The following CTNNA3 variants were observed in gnomAD, a reference collection of about 807,000 sequenced individuals.
The protein encoded by CTNNA3 is catenin alpha 3.
In CTNNA3, 76 loss-of-function variants were observed where a neutral mutation model predicts 95.7. That is an observed-to-expected ratio of 0.79 (90% CI 0.66 to 0.96). CTNNA3 has a LOEUF of 0.96. Ranked by LOEUF, CTNNA3 falls within the 40% of genes least tolerant of loss-of-function variation. The probability of loss-of-function intolerance (pLI) is 0.00; values close to 1 mark genes in which losing one functional copy is unlikely to be tolerated. For synonymous variants in CTNNA3, 431 were observed against 374.4 expected (o/e 1.15, Z -1.74); for missense variants, 1,191 against 1,089.8 (o/e 1.09, Z -1.31).
chr10:67,505,834 G>A (rs1196023809), intron 5 of CTNNA3, among the ~76,000 whole-genome samples: 1 of 152,164 alleles, frequency 6.6e-6, no homozygotes, highest in Non-Finnish European at 1.5e-5. Context: ...ATACTGAACT[G>A]TAGTGCTACC....
At chr10:67,243,549 A>G (rs1865798644) in intron 5 of CTNNA3, among the ~76,000 whole-genome samples, 1 of 152,184 alleles carries the variant, frequency 6.6e-6, no homozygotes, top group Non-Finnish European at 1.5e-5. Context: ...TTTTCTAATG[A>G]TGGTTAATCC....
At chr10:66,910,832 C>T (rs1391462722) in intron 7 of CTNNA3, among the ~76,000 whole-genome samples, 4 of 152,168 alleles carry the variant, frequency 2.6e-5, no homozygotes, top group Non-Finnish European at 5.9e-5. Flanking sequence ...AAATGACAAC[C>T]TTGTGCGTCA....
chr10:67,229,857 G>A (rs2132293784), intron 5 of CTNNA3, among the ~76,000 whole-genome samples: 1 of 152,294 alleles, frequency 6.6e-6, no homozygotes, highest in East Asian at 1.9e-4. Flanking sequence ...CCATGCTCAT[G>A]GATGGGTAGA....
At position 67,481,752 on chromosome 10, in the gene CTNNA3, C is replaced by A. The variant is rs563557401; in HGVS notation, c.579+40090G>T. Among the ~76,000 whole-genome samples, 571 of 152,176 alleles carry A rather than the reference C, an allele frequency of 3.8e-3. 8 individuals carry two copies. Among genetic ancestry groups the A allele is most frequent in the African/African-American group, 0.013 (529 of 41,534 alleles). On this transcript the variant is annotated intron_variant, in intron 5 of 17. Coordinates refer to ENST00000433211, the MANE Select transcript of CTNNA3 (RefSeq NM_013266.4). ...TGCTGTGCAGAAGCTCTTTAGTTTA[C>A]TTAGATCCCATTTGTCAATTTTGGC...
chr10:67,725,959 TAA>T (rs1841209538), intron 1 of CTNNA3, among the ~76,000 whole-genome samples: 1 of 133,506 alleles, frequency 7.5e-6, no homozygotes, highest in Non-Finnish European at 1.5e-5. Flanking sequence ...TATGTATATA[TAA>T]TATATATGTA....
At position 67,256,049 on chromosome 10, in the gene CTNNA3, A is replaced by AAC. The variant is rs137891644; in HGVS notation, c.580-36180_580-36179insGT. 5.3e-5 allele frequency among the ~76,000 whole-genome samples: 8 copies of AAC among 151,802 alleles called. No homozygotes were observed. The South Asian group carries it at 6.3e-4, about 12-fold the overall frequency. On this transcript the variant is annotated intron_variant, in intron 5 of 17. Transcript: ENST00000433211. ...CAATAAGAACAGCAGCAAAAAAAAAAGGATTTCTCTCCTTTAAAATTCTTA... is the reference window on the plus strand; with the variant it reads ...CAATAAGAACAGCAGCAAAAAAAAAAACGGATTTCTCTCCTTTAAAATTCTTA...
At chr10:66,942,050 G>C (rs543629599) in intron 7 of CTNNA3, among the ~76,000 whole-genome samples, 3 of 152,132 alleles carry the variant, frequency 2.0e-5, no homozygotes, top group Admixed American at 2.0e-4. Flanking sequence ...GCACGGCATG[G>C]TATCAGTTTC....
intron 12 of CTNNA3, among the ~76,000 whole-genome samples, chr10:66,327,932 T>C (rs2092276023): frequency 1.3e-5 from 2 of 152,058 alleles, no homozygotes; most frequent in Admixed American, 1.3e-4. Context: ...ATGAGAGAAA[T>C]ACCAGTTACT....
At chr10:67,004,501 CA>C (rs35597601) in intron 7 of CTNNA3, among the ~76,000 whole-genome samples, 79,631 of 152,016 alleles carry the variant, frequency 0.52, 21,579 homozygotes, top group Middle Eastern at 0.73. Context: ...CTTCTTCCCT[CA>C]AAAAATGCTG....
intron 5 of CTNNA3, among the ~76,000 whole-genome samples, chr10:67,245,597 C>G (rs966983123): frequency 6.6e-6 from 1 of 152,266 alleles, no homozygotes; most frequent in Non-Finnish European, 1.5e-5. Context: ...TAGTGGCTCA[C>G]GCCTGTAATC....
intron 5 of CTNNA3, among the ~76,000 whole-genome samples, chr10:67,313,717 A>T (rs1362846406): frequency 6.6e-6 from 1 of 152,210 alleles, no homozygotes; most frequent in Non-Finnish European, 1.5e-5. Flanking sequence ...CCAAGATAGT[A>T]GCAACAAATA....
At chr10:67,193,822 A>T (rs1863228410) in intron 6 of CTNNA3, among the ~76,000 whole-genome samples, 1 of 151,246 alleles carries the variant, frequency 6.6e-6, no homozygotes, top group Non-Finnish European at 1.5e-5. Context: ...TGTCTTTATG[A>T]CAGAACAATT....
intron 5 of CTNNA3, among the ~76,000 whole-genome samples, chr10:67,243,673 G>A (rs1315928991): frequency 6.6e-6 from 1 of 152,056 alleles, no homozygotes; most frequent in Non-Finnish European, 1.5e-5. Context: ...CAGATACATA[G>A]AATCCATGAG....
chr10:67,179,961 A>C (rs576981223), intron 7 of CTNNA3, among the ~76,000 whole-genome samples: 2 of 152,240 alleles, frequency 1.3e-5, no homozygotes, highest in South Asian at 4.1e-4. Flanking sequence ...ATTATTCACT[A>C]ACTTGATCCT....
intron 1 of CTNNA3, among the ~76,000 whole-genome samples, chr10:67,666,464 AAC>A (rs1174022028): frequency 1.3e-5 from 2 of 151,992 alleles, no homozygotes; most frequent in Non-Finnish European, 2.9e-5. Flanking sequence ...ACATTTTAGT[AAC>A]ATATTGGCTT....
At chr10:66,897,214 T>C (rs913121705) in intron 7 of CTNNA3, among the ~76,000 whole-genome samples, 1 of 152,114 alleles carries the variant, frequency 6.6e-6, no homozygotes, top group Admixed American at 6.5e-5. Context: ...TTTAAGCATA[T>C]ACAGTATGCT....
chr10:66,226,552 T>C (rs1314995270), intron 13 of CTNNA3, among the ~76,000 whole-genome samples: 2 of 151,392 alleles, frequency 1.3e-5, no homozygotes, highest in East Asian at 3.9e-4. Context: ...CGTGGTTCCA[T>C]ACAAATTTTA....
chr10:66,381,444 C>G (rs1157360178), intron 11 of CTNNA3, among the ~76,000 whole-genome samples: 1 of 152,146 alleles, frequency 6.6e-6, no homozygotes, highest in South Asian at 2.1e-4. Context: ...AAATATCTCT[C>G]TAGTAGAATT....
intron 9 of CTNNA3, among the ~76,000 whole-genome samples, chr10:66,738,597 T>C (rs1488148895): frequency 6.6e-6 from 1 of 152,248 alleles, no homozygotes; most frequent in East Asian, 1.9e-4. Flanking sequence ...TAGCTCTTTC[T>C]GTAGAAAGAG....
Sources: allele counts gnomAD v4.1 joint callset (sites outside exome capture counted in the v4.1 genomes callset), GRCh38; gene constraint gnomAD v4.1.1; transcripts MANE v1.5; gene names NCBI Gene and HGNC (gene_info 2026-07-23, HGNC 2026-07-21).